CNTNAP2: variants seen among roughly 807,000 people sequenced by gnomAD.
The protein encoded by CNTNAP2 is contactin-associated protein-like 2.
CNTNAP2 carries 98 observed loss-of-function variants against 155.2 expected under a neutral mutation model. That is an observed-to-expected ratio of 0.63 (90% CI 0.54 to 0.75). The LOEUF (loss-of-function observed/expected upper bound fraction) is 0.75, where lower values mean the gene tolerates loss of function less well. Among genes scored for constraint, CNTNAP2 ranks in the 30% least tolerant of loss-of-function variants. The pLI, the probability that CNTNAP2 is intolerant of heterozygous loss-of-function variation, is 0.00. For missense variants in CNTNAP2, 1,727 were observed against 1,688.1 expected (o/e 1.02, Z -0.40); for synonymous variants, 651 against 631.2 (o/e 1.03, Z -0.47).
chr7:146,438,673 G>T (rs1021841954), intron 1 of CNTNAP2, among the ~76,000 whole-genome samples: 2 of 151,322 alleles, frequency 1.3e-5, no homozygotes, highest in Non-Finnish European at 2.9e-5. Context: ...TAATTTAGTT[G>T]TTCTTTCCTG....
chr7:146,720,829 CTAT>C (rs1378872419), intron 1 of CNTNAP2, among the ~76,000 whole-genome samples: 1 of 148,230 alleles, frequency 6.7e-6, no homozygotes, highest in Admixed American at 6.8e-5. Flanking sequence ...CTTTTGAAAG[CTAT>C]TATTTAGAGA....
intron 11 of CNTNAP2, among the ~76,000 whole-genome samples, chr7:147,561,097 C>A (rs116560931): frequency 6.6e-6 from 1 of 151,914 alleles, no homozygotes; most frequent in African/African-American, 2.4e-5. Flanking sequence ...CCTTGAGACC[C>A]TCCTCAGTGA....
intron 12 of CNTNAP2, among the ~76,000 whole-genome samples, chr7:147,583,234 TG>T (rs1483608685): frequency 6.6e-6 from 1 of 152,012 alleles, no homozygotes; most frequent in Non-Finnish European, 1.5e-5. Context: ...CCTCTCTCTA[TG>T]GCAGTTCCAC....
chr7:146,260,538 T>G (rs1461471021), intron 1 of CNTNAP2, among the ~76,000 whole-genome samples: 1 of 152,208 alleles, frequency 6.6e-6, no homozygotes, highest in African/African-American at 2.4e-5. Context: ...ATCAGCATGC[T>G]CTGGATGTGA....
rs184808822 is a variant in CNTNAP2, at chr7:147,153,518, T to C, written c.1348+21009T>C. The stretch of plus-strand genomic sequence containing the variant: ...CAGATGAGGGAGTTAGTTAAGTAGA[T>C]ATCTGGGGGAAAAACATTCCAGGCA... On this transcript the variant is annotated intron_variant, in intron 8 of 23. Coordinates refer to ENST00000361727, the MANE Select transcript of CNTNAP2 (RefSeq NM_014141.6). Among the ~76,000 whole-genome samples the C allele has an allele frequency of 3.6e-3, 545 of 152,150 alleles. 4 individuals are homozygous for C. The highest frequency in any genetic ancestry group is 0.013 in the African/African-American group (526 of 41,506).
At chr7:147,801,749 C>A (rs908175695) in intron 13 of CNTNAP2, among the ~76,000 whole-genome samples, 1 of 152,200 alleles carries the variant, frequency 6.6e-6, no homozygotes, top group African/African-American at 2.4e-5. Flanking sequence ...GGCAACCATC[C>A]GATTTCTCAA....
In CNTNAP2 at chr7:147,418,321, C is replaced by T. The variant is rs1584937533; in HGVS notation, c.1670+22541C>T. On this transcript the variant is annotated intron_variant, in intron 10 of 23. Coordinates refer to ENST00000361727, the MANE Select transcript of CNTNAP2 (RefSeq NM_014141.6). ...TGTGAGCCCTTAATGGAAGAATGAT[C>T]TGTGTCAACAGGACTGGGAAAGTTC... Among the ~76,000 whole-genome samples the T allele has an allele frequency of 2.0e-5, 3 of 152,152 alleles. No individual in the cohort carries two copies. The South Asian group carries it at 6.2e-4, about 31-fold the overall frequency.
chr7:147,068,105 C>T (rs756454937), intron 4 of CNTNAP2, among the ~76,000 whole-genome samples: 36 of 152,102 alleles, frequency 2.4e-4, no homozygotes, highest in Non-Finnish European at 4.1e-4. Flanking sequence ...GGAGAGACAG[C>T]CTTTGTTGCT....
chr7:147,428,859 C>T (rs1797423102), intron 10 of CNTNAP2, among the ~76,000 whole-genome samples: 1 of 152,000 alleles, frequency 6.6e-6, no homozygotes, highest in Non-Finnish European at 1.5e-5. Flanking sequence ...TAATTTCTGA[C>T]ATTTATGTGC....
rs77429436 is a variant in CNTNAP2 at position 147,365,310 on chromosome 7, G to A, written c.1499-30299G>A. Among the ~76,000 whole-genome samples the A allele has an allele frequency of 4.7e-4, 70 of 148,248 alleles. No homozygotes were observed. In the East Asian group the frequency reaches 0.014, roughly 30 times the overall value. The stretch of plus-strand genomic sequence containing the variant: ...TCCCAGCTCGAACCCAGGAGGCGGA[G>A]GTTGCAGTGAGACGAGACCAGGCCA... On this transcript the variant is annotated intron_variant, in intron 9 of 23. Coordinates refer to ENST00000361727, the MANE Select transcript of CNTNAP2 (RefSeq NM_014141.6).
chr7:147,069,271 C>A lies in CNTNAP2; in HGVS notation c.550+25217C>A, dbSNP rs142509065. ...GCATAAATATGCAAACTCTATCATCCTGGTTCTGTTTCTTCAGTGAATCCC... is the reference window on the plus strand; with the variant it reads ...GCATAAATATGCAAACTCTATCATCATGGTTCTGTTTCTTCAGTGAATCCC... On this transcript the variant is annotated intron_variant, in intron 4 of 23. Coordinates refer to ENST00000361727, the MANE Select transcript of CNTNAP2 (RefSeq NM_014141.6). Among the ~76,000 whole-genome samples the A allele has an allele frequency of 1.0e-3, 156 of 152,276 alleles. 1 individual carries two copies. The highest frequency in any genetic ancestry group is 3.5e-3 in the African/African-American group (146 of 41,562).
intron 8 of CNTNAP2, among the ~76,000 whole-genome samples, chr7:147,256,968 T>C (rs1161726753): frequency 6.6e-6 from 1 of 151,444 alleles, no homozygotes; most frequent in African/African-American, 2.4e-5. Flanking sequence ...AAATCAAGCA[T>C]AGAAACAAAG....
At chr7:146,966,231 T>A (rs1387338752) in intron 3 of CNTNAP2, among the ~76,000 whole-genome samples, 2 of 152,232 alleles carry the variant, frequency 1.3e-5, no homozygotes, top group Admixed American at 6.5e-5. Context: ...CAGGAAGAAG[T>A]ATTCTGGTAG....
chr7:146,588,339 T>C (rs1255280165), intron 1 of CNTNAP2, among the ~76,000 whole-genome samples: 4 of 152,184 alleles, frequency 2.6e-5, no homozygotes, highest in Non-Finnish European at 5.9e-5. Context: ...ATTTGGAAAT[T>C]GTAATTAATT....
intron 9 of CNTNAP2, among the ~76,000 whole-genome samples, chr7:147,307,789 G>C (rs1267233205): frequency 2.0e-5 from 3 of 152,108 alleles, no homozygotes; most frequent in African/African-American, 7.2e-5. Flanking sequence ...CATACTGTCT[G>C]TTATAGAACT....
intron 13 of CNTNAP2, among the ~76,000 whole-genome samples, chr7:147,668,091 G>C (rs532116241): frequency 6.6e-6 from 1 of 152,266 alleles, no homozygotes; most frequent in African/African-American, 2.4e-5. Flanking sequence ...GGAGGTTCTT[G>C]AGAAATTGAC....
At chr7:146,195,787 C>T (rs1184387490) in intron 1 of CNTNAP2, among the ~76,000 whole-genome samples, 1 of 152,164 alleles carries the variant, frequency 6.6e-6, no homozygotes, top group Non-Finnish European at 1.5e-5. Flanking sequence ...AAGCCTTGGC[C>T]CTTTGCCTAC....
intron 15 of CNTNAP2, among the ~76,000 whole-genome samples, chr7:147,986,944 GA>G (rs796079639): frequency 7.0e-4 from 100 of 143,424 alleles, no homozygotes; most frequent in Non-Finnish European, 1.0e-3. Flanking sequence ...TAGAAGGCAT[GA>G]AAAAAAAAAC....
intron 1 of CNTNAP2, among the ~76,000 whole-genome samples, chr7:146,507,481 A>T (rs569545161): frequency 1.8e-4 from 28 of 152,304 alleles, no homozygotes; most frequent in Admixed American, 7.8e-4. Flanking sequence ...GTTTTTGTCA[A>T]CTGATACAAT....
Sources: allele counts gnomAD v4.1 joint callset (sites outside exome capture counted in the v4.1 genomes callset), GRCh38; gene constraint gnomAD v4.1.1; transcripts MANE v1.5; gene names NCBI Gene and HGNC (gene_info 2026-07-23, HGNC 2026-07-21).